The following RABGAP1L variants were observed in gnomAD, a reference collection of about 807,000 sequenced individuals.
The protein encoded by RABGAP1L is RAB GTPase activating protein 1 like, also known as rab GTPase-activating protein 1-like.
Under a neutral mutation model 137.7 loss-of-function variants are expected in RABGAP1L, and 63 were observed. That is an observed-to-expected ratio of 0.46 (90% CI 0.37 to 0.56). The LOEUF (loss-of-function observed/expected upper bound fraction) is 0.56. Ranked by LOEUF, RABGAP1L falls within the 20% of genes least tolerant of loss-of-function variation. The pLI, the probability that RABGAP1L is intolerant of heterozygous loss-of-function variation, is 0.00. For synonymous variants in RABGAP1L, 431 were observed against 433.7 expected, an observed-to-expected ratio of 0.99 and a Z score of 0.08; for missense variants, 1,095 against 1,244.0, an observed-to-expected ratio of 0.88 and a Z score of 1.80.
Position 174,550,891 on chromosome 1 carries a change from T to TATACAC in RABGAP1L, c.1711-86481_1711-86480insCACATA, listed in dbSNP as rs1553330081. 6.0e-3 allele frequency among the ~76,000 whole-genome samples: 516 copies of TATACAC among 86,020 alleles called. 41 individuals are homozygous for TATACAC. Among genetic ancestry groups the TATACAC allele is most frequent in the African/African-American group, 0.036 (455 of 12,714 alleles). The allele number at this position is 86,020 out of a possible 152,430, so 56.4% of individuals were successfully genotyped here. A position where few individuals can be genotyped will look rare whatever the true frequency, so the allele number is the denominator to read the frequency against. ...ATATATATATATATATATATATATA[T>TATACAC]ATATACACACACACATATACACACA... On this transcript the variant is annotated intron_variant, in intron 13 of 25. Coordinates refer to ENST00000681986, the MANE Select transcript of RABGAP1L (RefSeq NM_001366446.1).
At chr1:174,518,894 A>G (rs960824074) in intron 13 of RABGAP1L, among the ~76,000 whole-genome samples, 7 of 152,206 alleles carry the variant, frequency 4.6e-5, no homozygotes, top group African/African-American at 1.7e-4. Context: ...TGTATTTTAC[A>G]GTAGCTGAGG....
In RABGAP1L at chr1:174,279,614, A is replaced by G. The variant is rs575441427; in HGVS notation, c.1323+835A>G. Among the ~76,000 whole-genome samples the G allele has an allele frequency of 2.0e-5, 3 of 152,282 alleles. No individual in the cohort carries two copies. In the South Asian group the frequency reaches 6.2e-4, roughly 32 times the overall value. Reference sequence around the variant, plus strand: ...CTGCCATGGCGCATCTCGGCTTTATATACTATGTACTTGGAAATTATTGTG... The same window carrying G: ...CTGCCATGGCGCATCTCGGCTTTATGTACTATGTACTTGGAAATTATTGTG... On this transcript the variant is annotated intron_variant, in intron 10 of 25. Coordinates refer to ENST00000681986, the MANE Select transcript of RABGAP1L (RefSeq NM_001366446.1).
chr1:174,488,820 G>C (rs1039757949), intron 13 of RABGAP1L, among the ~76,000 whole-genome samples: 7 of 151,562 alleles, frequency 4.6e-5, no homozygotes, highest in African/African-American at 1.7e-4. Context: ...CAACATGCAG[G>C]TTAGTTACAT....
intron 5 of RABGAP1L, among the ~76,000 whole-genome samples, chr1:174,242,517 A>G (rs955269300): frequency 1.3e-5 from 2 of 152,226 alleles, no homozygotes; most frequent in Admixed American, 1.3e-4. Context: ...AAACATGAAT[A>G]AATCATTCTA....
At chr1:174,711,143 G>T (rs1680464138) in intron 17 of RABGAP1L, among the ~76,000 whole-genome samples, 1 of 152,112 alleles carries the variant, frequency 6.6e-6, no homozygotes, top group Admixed American at 6.5e-5. Flanking sequence ...TGCGGGGCCT[G>T]CCGAGCCCAC....
chr1:174,492,649 C>G (rs920321399), intron 13 of RABGAP1L, among the ~76,000 whole-genome samples: 1 of 152,132 alleles, frequency 6.6e-6, no homozygotes, highest in Non-Finnish European at 1.5e-5. Context: ...CGTGCCTGGT[C>G]TACTTTTAAT....
At chr1:174,887,402 G>T (rs918480722) in intron 19 of RABGAP1L, among the ~76,000 whole-genome samples, 2 of 152,102 alleles carry the variant, frequency 1.3e-5, no homozygotes, top group African/African-American at 4.8e-5. Context: ...TATACTCATT[G>T]AAAAATGAGA....
At chr1:174,755,552 C>A (rs1262844791) in intron 18 of RABGAP1L, among the ~76,000 whole-genome samples, 2 of 152,092 alleles carry the variant, frequency 1.3e-5, no homozygotes, top group African/African-American at 4.8e-5. Flanking sequence ...TATTTCGTGT[C>A]CTACATGTGT....
chr1:174,432,468 A>T (rs1392259362), intron 13 of RABGAP1L, among the ~76,000 whole-genome samples: 1 of 152,174 alleles, frequency 6.6e-6, no homozygotes. Flanking sequence ...TTTTTATGTT[A>T]CTTTATTGCT....
intron 14 of RABGAP1L, among the ~76,000 whole-genome samples, chr1:174,658,201 A>G (rs1242647623): frequency 3.3e-5 from 5 of 152,134 alleles, no homozygotes; most frequent in Non-Finnish European, 7.4e-5. Flanking sequence ...AGCTGCAGGT[A>G]TTTGGTCAAT....
chr1:174,981,464 A>G (rs1671097201), intron 23 of RABGAP1L, among the ~76,000 whole-genome samples: 1 of 150,488 alleles, frequency 6.6e-6, no homozygotes, highest in African/African-American at 2.4e-5. Context: ...GGGATTTTTT[A>G]AATGTCTGTT....
intron 13 of RABGAP1L, among the ~76,000 whole-genome samples, chr1:174,453,527 A>G (rs1468417404): frequency 6.6e-6 from 1 of 152,246 alleles, no homozygotes; most frequent in African/African-American, 2.4e-5. Flanking sequence ...CATTCTGAGC[A>G]TAGATAGCAT....
chr1:174,625,181 T>A (rs1427827190), intron 13 of RABGAP1L, among the ~76,000 whole-genome samples: 1 of 152,012 alleles, frequency 6.6e-6, no homozygotes, highest in Non-Finnish European at 1.5e-5. Flanking sequence ...CTATCTTGCT[T>A]TATTTTTATA....
chr1:174,160,003 A>G (rs1664299544), intron 1 of RABGAP1L: 1 of 152,348 alleles, frequency 6.6e-6, no homozygotes, highest in Non-Finnish European at 1.5e-5. Context: ...GCCCGCTGCT[A>G]CGCTGTGGCT....
rs964449130 is a variant in RABGAP1L at position 174,711,039 on chromosome 1, G to C, written c.2169+8783G>C. On this transcript the variant is annotated intron_variant, in intron 17 of 25. Coordinates refer to ENST00000681986, the MANE Select transcript of RABGAP1L (RefSeq NM_001366446.1). ...CAGGGAGGCAGCTAAAGCCCGGCGA[G>C]AAGTCGAGCACAGCAGCTGCTGGCC... Among the ~76,000 whole-genome samples the C allele has an allele frequency of 4.6e-5, 7 of 152,160 alleles. 1 individual carries two copies. Among genetic ancestry groups the C allele is most frequent in the Admixed American group, 4.6e-4 (7 of 15,290 alleles).
At chr1:174,989,751 C>G in intron 25 of RABGAP1L, 98 bp from the exon 26 acceptor site, 1 of 1,333,424 alleles carries the variant, frequency 7.5e-7, no homozygotes, top group Non-Finnish European at 1.0e-6. Flanking sequence ...AAATTGGCAG[C>G]ACATACCTTG....
At chr1:174,552,126 G>C (rs1032287234) in intron 13 of RABGAP1L, among the ~76,000 whole-genome samples, 5 of 151,934 alleles carry the variant, frequency 3.3e-5, no homozygotes, top group Admixed American at 6.6e-5. Context: ...TTCCATTTTG[G>C]CATGGCACAT....
chr1:174,365,711 A>G (rs1684555821), intron 11 of RABGAP1L, among the ~76,000 whole-genome samples: 1 of 152,104 alleles, frequency 6.6e-6, no homozygotes, highest in African/African-American at 2.4e-5. Context: ...CTGCTGAGGG[A>G]TGTGGGTGGG....
At chr1:174,849,888 C>A in intron 19 of RABGAP1L, 1 of 584,358 alleles carries the variant, frequency 1.7e-6, no homozygotes. Context: ...AAAAGGCAAT[C>A]TGAATTCTTT....
Sources: allele counts gnomAD v4.1 joint callset (sites outside exome capture counted in the v4.1 genomes callset), GRCh38; gene constraint gnomAD v4.1.1; transcripts MANE v1.5; gene names NCBI Gene and HGNC (gene_info 2026-07-23, HGNC 2026-07-21).